Variants in SIPA1L3 observed in about 807,000 individuals in gnomAD.
SIPA1L3 encodes the protein signal induced proliferation associated 1 like 3.
In SIPA1L3, 59 loss-of-function variants were observed where a neutral mutation model predicts 150.1. The ratio of observed to expected loss-of-function variants is 0.39; its 90% CI spans 0.32 to 0.49. The LOEUF (loss-of-function observed/expected upper bound fraction) is 0.49, where lower values mean the gene tolerates loss of function less well. SIPA1L3 is among the 20% of genes least tolerant of loss of function. The probability of loss-of-function intolerance (pLI) is 0.86; values close to 1 mark genes in which losing one functional copy is unlikely to be tolerated. For synonymous variants in SIPA1L3, 1,070 were observed against 1,077.6 expected (o/e 0.99, Z 0.14); for missense variants, 2,211 against 2,489.5 (o/e 0.89, Z 2.38).
At chr19:38,123,980 C>A (rs1189138077) in intron 9 of SIPA1L3, among the ~76,000 whole-genome samples, 1 of 145,748 alleles carries the variant, frequency 6.9e-6, no homozygotes, top group South Asian at 2.2e-4. Flanking sequence ...GGCCAACCCC[C>A]CCCCACCTCC....
chr19:38,172,646 G>T (rs182350207), intron 15 of SIPA1L3, among the ~76,000 whole-genome samples: 1 of 152,290 alleles, frequency 6.6e-6, no homozygotes, highest in East Asian at 1.9e-4. Context: ...GGCCAGAGGG[G>T]CTGAAGCAGG....
intron 2 of SIPA1L3, among the ~76,000 whole-genome samples, chr19:38,051,380 A>G (rs1969194161): frequency 6.6e-6 from 1 of 152,070 alleles, no homozygotes; most frequent in Non-Finnish European, 1.5e-5. Context: ...CGTCTTTCTC[A>G]AGTAGTGCTG....
chr19:38,141,564 C>T (rs1027880695), intron 11 of SIPA1L3, 129 bp downstream of exon 11: 20 of 988,792 alleles, frequency 2.0e-5, no homozygotes, highest in Non-Finnish European at 2.9e-5. Flanking sequence ...TCCTTCTTAT[C>T]CTTATGTCTC....
intron 3 of SIPA1L3, among the ~76,000 whole-genome samples, chr19:38,083,974 CAG>C (rs1199799898): frequency 7.4e-6 from 1 of 135,244 alleles, no homozygotes; most frequent in Admixed American, 8.2e-5. Flanking sequence ...GCCTGGGTGA[CAG>C]AGTGAGACTC....
intron 15 of SIPA1L3, among the ~76,000 whole-genome samples, chr19:38,174,393 G>T (rs1199913083): frequency 1.3e-5 from 2 of 152,132 alleles, no homozygotes; most frequent in Non-Finnish European, 2.9e-5. Context: ...AAGGCCAAGT[G>T]GCTGGGGGCC....
chr19:37,979,072 T>C (rs987773359), intron 1 of SIPA1L3, among the ~76,000 whole-genome samples: 3 of 152,058 alleles, frequency 2.0e-5, no homozygotes, highest in African/African-American at 7.2e-5. Context: ...TCAGAAGTCA[T>C]GAGTACAAGC....
intron 1 of SIPA1L3, among the ~76,000 whole-genome samples, chr19:37,936,859 C>A (rs1417056575): frequency 6.6e-6 from 1 of 152,198 alleles, no homozygotes; most frequent in African/African-American, 2.4e-5. Flanking sequence ...AAACAAAAAC[C>A]ACTTACTACT....
intron 1 of SIPA1L3, among the ~76,000 whole-genome samples, chr19:37,908,923 G>C (rs1447120368): frequency 6.6e-6 from 1 of 152,170 alleles, no homozygotes; most frequent in African/African-American, 2.4e-5. Flanking sequence ...TCCAGCTCCA[G>C]ATGTGGAGCC....
chr19:37,979,786 C>A (rs1967157792), intron 1 of SIPA1L3, among the ~76,000 whole-genome samples: 1 of 152,192 alleles, frequency 6.6e-6, no homozygotes, highest in African/African-American at 2.4e-5. Context: ...TTTAGTAATG[C>A]GTGTTAGAGA....
At chr19:38,025,007 C>G (rs1968468982) in intron 1 of SIPA1L3, among the ~76,000 whole-genome samples, 1 of 152,178 alleles carries the variant, frequency 6.6e-6, no homozygotes, top group African/African-American at 2.4e-5. Context: ...TCAGGTTTAA[C>G]TTAATTCTCG....
chr19:38,207,446 A>ATATATT lies in SIPA1L3; in HGVS notation c.*1209_*1210insATTTAT, dbSNP rs1439139540. Reference sequence around the variant, plus strand: ...AAAAGATATATATATATATATATATATATTTATTTTTTCATGTAGAGTTGG... The same window carrying ATATATT: ...AAAAGATATATATATATATATATATATATATTTATTTATTTTTTCATGTAGAGTTGG... On this transcript the variant is annotated 3_prime_UTR_variant, in exon 22 of 22. Transcript: ENST00000222345. 6.8e-6 allele frequency: 1 copy of ATATATT among 148,040 alleles called. No homozygotes were observed. The highest frequency in any genetic ancestry group is 1.5e-5 in the Non-Finnish European group (1 of 67,076). 9.2% of individuals were successfully genotyped at this position (148,040 alleles called of 1,614,324 possible).
At chr19:37,950,696 C>A (rs1318533817) in intron 1 of SIPA1L3, among the ~76,000 whole-genome samples, 1 of 152,224 alleles carries the variant, frequency 6.6e-6, no homozygotes, top group African/African-American at 2.4e-5. Context: ...GCTTGCTCCC[C>A]ACAAGCCCGT....
chr19:38,195,792 G>GCCCCCCC (rs1972909893), intron 18 of SIPA1L3, among the ~76,000 whole-genome samples: 1 of 22,804 alleles, frequency 4.4e-5, no homozygotes, highest in Non-Finnish European at 8.8e-5. Flanking sequence ...CACAGGCCCC[G>GCCCCCCC]TCCCCCCCCG....
Position 38,106,351 on chromosome 19 carries a change from C to T in SIPA1L3, c.2030-186C>T. 3 of 525,516 alleles carry T rather than the reference C, an allele frequency of 5.7e-6. No homozygotes were observed. In the South Asian group the frequency reaches 5.8e-5, roughly 10 times the overall value. The allele number at this position is 525,516 out of a possible 1,614,324, so 32.6% of individuals were successfully genotyped here. A position where few individuals can be genotyped will look rare whatever the true frequency, so the allele number is the denominator to read the frequency against. On this transcript the variant is annotated intron_variant, in intron 6 of 21. Coordinates refer to ENST00000222345, the MANE Select transcript of SIPA1L3 (RefSeq NM_015073.3). ...CGAACTCCTGACCTCAGATGATCCA[C>T]CTGCCTCAGCCTCCCAAAGTGCTGG... is the stretch of plus-strand genomic sequence containing the variant.
rs1196935477 is a variant in SIPA1L3 at position 38,193,795 on chromosome 19, C to G, written c.4840+15C>G. 15 of 1,553,442 alleles carry G rather than the reference C, an allele frequency of 9.7e-6. No individual in the cohort carries two copies. The highest frequency in any genetic ancestry group is 1.3e-5 in the Non-Finnish European group (15 of 1,161,220). On this transcript the variant is annotated intron_variant, in intron 18 of 21. Coordinates refer to ENST00000222345, the MANE Select transcript of SIPA1L3 (RefSeq NM_015073.3). ...CGAGAAGAAATGTGAGCCTGGGCCC[C>G]CTGGGACTGGCGCGGTAGTTACCCC...
chr19:38,068,063 C>T (rs1486537126), intron 2 of SIPA1L3, among the ~76,000 whole-genome samples: 1 of 147,734 alleles, frequency 6.8e-6, no homozygotes, highest in Non-Finnish European at 1.5e-5. Flanking sequence ...CACTCTTTTG[C>T]CCAGGCTGGA....
chr19:38,120,446 T>A (rs965344046), intron 9 of SIPA1L3, among the ~76,000 whole-genome samples: 4 of 152,062 alleles, frequency 2.6e-5, no homozygotes, highest in African/African-American at 9.7e-5. Flanking sequence ...CACTTCAGCC[T>A]GGGCAACAGT....
At chr19:38,024,178 A>G (rs1353524381) in intron 1 of SIPA1L3, among the ~76,000 whole-genome samples, 1 of 152,194 alleles carries the variant, frequency 6.6e-6, no homozygotes, top group Non-Finnish European at 1.5e-5. Context: ...CCTTGAGGTC[A>G]GGGGAGAAGT....
chr19:38,057,026 C>G (rs1158180031), intron 2 of SIPA1L3, among the ~76,000 whole-genome samples: 2 of 152,110 alleles, frequency 1.3e-5, no homozygotes, highest in Non-Finnish European at 2.9e-5. Flanking sequence ...AATCCCAGCA[C>G]TCTGGGAAGC....
Sources: gnomAD v4.1 joint callset for allele counts (sites outside exome capture counted in the v4.1 genomes callset) on GRCh38, gnomAD v4.1.1 for gene constraint, MANE v1.5 for transcripts, NCBI Gene and HGNC (gene_info 2026-07-23, HGNC 2026-07-21) for gene names.